Variants in ALK observed in about 807,000 individuals in gnomAD.
ALK encodes the protein ALK tyrosine kinase receptor.
Under a neutral mutation model 163.1 loss-of-function variants are expected in ALK, and 74 were observed. That is an observed-to-expected ratio of 0.45 (90% CI 0.38 to 0.55). The LOEUF (loss-of-function observed/expected upper bound fraction) is 0.55, where lower values mean the gene tolerates loss of function less well. Ranked by LOEUF, ALK falls within the 20% of genes least tolerant of loss-of-function variation. The probability of loss-of-function intolerance (pLI) is 0.00; values close to 1 mark genes in which losing one functional copy is unlikely to be tolerated. For synonymous variants in ALK, 960 were observed against 843.2 expected (o/e 1.14, Z -2.40); for missense variants, 2,063 against 2,105.3 (o/e 0.98, Z 0.39).
chr2:29,822,518 G>A (rs1165832756), intron 1 of ALK, among the ~76,000 whole-genome samples: 1 of 152,198 alleles, frequency 6.6e-6, no homozygotes, highest in Non-Finnish European at 1.5e-5. Flanking sequence ...CCTCATTTCA[G>A]CCAGCAGTGG....
At chr2:29,848,383 C>A (rs1021619440) in intron 1 of ALK, among the ~76,000 whole-genome samples, 1 of 150,826 alleles carries the variant, frequency 6.6e-6, no homozygotes, top group Non-Finnish European at 1.5e-5. Flanking sequence ...GTTTGAGAAC[C>A]ACTGAGCTAG....
intron 2 of ALK, among the ~76,000 whole-genome samples, chr2:29,714,528 C>A (rs867890416): frequency 6.6e-6 from 1 of 152,132 alleles, no homozygotes; most frequent in Non-Finnish European, 1.5e-5. Flanking sequence ...GCTCACCCAA[C>A]AGAGGCCTAG....
intron 1 of ALK, among the ~76,000 whole-genome samples, chr2:29,896,832 G>A (rs1361447124): frequency 1.3e-5 from 2 of 152,142 alleles, no homozygotes; most frequent in Non-Finnish European, 2.9e-5. Context: ...CTCAGCTTGG[G>A]TTTTTCATTA....
intron 3 of ALK, among the ~76,000 whole-genome samples, chr2:29,694,529 G>T (rs1558445865): frequency 6.6e-6 from 1 of 152,158 alleles, no homozygotes; most frequent in Admixed American, 6.5e-5. Context: ...ATTTAATGAG[G>T]TATCTTGTAT....
At chr2:29,462,643 C>A (rs990279663) in intron 4 of ALK, among the ~76,000 whole-genome samples, 6 of 152,122 alleles carry the variant, frequency 3.9e-5, no homozygotes, top group African/African-American at 1.2e-4. Context: ...ACTGGAAAAA[C>A]CAAACAATTT....
intron 23 of ALK, among the ~76,000 whole-genome samples, chr2:29,215,387 C>G (rs1376559830): frequency 6.6e-6 from 1 of 152,208 alleles, no homozygotes. Context: ...TCTTGCTTCT[C>G]TAGGCCGTGC....
chr2:29,684,676 C>T (rs1678185297), intron 3 of ALK, among the ~76,000 whole-genome samples: 1 of 152,190 alleles, frequency 6.6e-6, no homozygotes, highest in Non-Finnish European at 1.5e-5. Flanking sequence ...AGCGGACACC[C>T]CAGTATCACT....
intron 4 of ALK, among the ~76,000 whole-genome samples, chr2:29,476,478 T>G (rs1297972872): frequency 2.0e-5 from 3 of 151,700 alleles, no homozygotes; most frequent in Non-Finnish European, 4.4e-5. Flanking sequence ...ACACACAGAA[T>G]CCCACTCTCC....
At chr2:29,442,945 G>A (rs950264865) in intron 4 of ALK, among the ~76,000 whole-genome samples, 18 of 152,194 alleles carry the variant, frequency 1.2e-4, no homozygotes, top group African/African-American at 3.9e-4. Context: ...TCTACCACTG[G>A]GTAAGGTTAA....
chr2:29,780,715 G>A (rs986865878), intron 1 of ALK, among the ~76,000 whole-genome samples: 1 of 152,222 alleles, frequency 6.6e-6, no homozygotes, highest in Non-Finnish European at 1.5e-5. Context: ...CGGGGTAACA[G>A]ATGCCACAGC....
intron 1 of ALK, among the ~76,000 whole-genome samples, chr2:29,905,503 A>G (rs1667520206): frequency 6.6e-6 from 1 of 152,122 alleles, no homozygotes; most frequent in Non-Finnish European, 1.5e-5. Flanking sequence ...GTCAAGATTA[A>G]TACTATGAAA....
At position 29,395,215 on chromosome 2, in the gene ALK, AAGCCCAAAGGCTCCATTTC is replaced by A. The variant is rs923166122; in HGVS notation, c.1155-11375_1155-11357del. Among the ~76,000 whole-genome samples the A allele has an allele frequency of 2.6e-4, 39 of 152,334 alleles. No homozygotes were observed. The East Asian group carries it at 3.5e-3, about 14-fold the overall frequency. On this transcript the variant is annotated intron_variant, in intron 4 of 28. Transcript: ENST00000389048. ...TGAGCCAAGCAAAATGCTGACACCC[AAGCCCAAAGGCTCCATTTC>A]AGCCATAAATCTCTGGCCAAGTCAA...
At chr2:29,684,452 G>A (rs1035499544) in intron 3 of ALK, among the ~76,000 whole-genome samples, 1 of 152,144 alleles carries the variant, frequency 6.6e-6, no homozygotes, top group East Asian at 1.9e-4. Flanking sequence ...AGCTTAGCTG[G>A]TGGCAGTAAT....
intron 3 of ALK, among the ~76,000 whole-genome samples, chr2:29,609,439 T>C (rs555023402): frequency 3.2e-4 from 48 of 152,136 alleles, no homozygotes; most frequent in African/African-American, 8.9e-4. Flanking sequence ...AGAAGAGAAA[T>C]ATTAAGAGCT....
chr2:29,648,388 A>G (rs542545867), intron 3 of ALK, among the ~76,000 whole-genome samples: 1 of 152,294 alleles, frequency 6.6e-6, no homozygotes, highest in East Asian at 1.9e-4. Flanking sequence ...TTAAGTATAT[A>G]GTTTGGTGGT....
At chr2:29,308,019 G>A (rs1330241665) in intron 8 of ALK, among the ~76,000 whole-genome samples, 1 of 151,912 alleles carries the variant, frequency 6.6e-6, no homozygotes, top group East Asian at 1.9e-4. Context: ...TCTCTGGCTG[G>A]TGAGGTTATA....
intron 1 of ALK, among the ~76,000 whole-genome samples, chr2:29,734,325 G>T (rs1679831469): frequency 6.6e-6 from 1 of 152,122 alleles, no homozygotes; most frequent in South Asian, 2.1e-4. Flanking sequence ...CTAAAGAGAA[G>T]AGACTGTCTA....
At chr2:29,810,139 C>T (rs1664716500) in intron 1 of ALK, among the ~76,000 whole-genome samples, 2 of 152,068 alleles carry the variant, frequency 1.3e-5, no homozygotes, top group African/African-American at 4.8e-5. Context: ...GACAGAGAGT[C>T]AGCCGGACAT....
At chr2:29,530,176 C>T (rs1189288606) in intron 4 of ALK, among the ~76,000 whole-genome samples, 2 of 150,954 alleles carry the variant, frequency 1.3e-5, no homozygotes, top group African/African-American at 4.9e-5. Flanking sequence ...CCAGTTTGGA[C>T]CACATCACTT....
Sources: allele counts gnomAD v4.1 joint callset (sites outside exome capture counted in the v4.1 genomes callset), GRCh38; gene constraint gnomAD v4.1.1; transcripts MANE v1.5; gene names NCBI Gene and HGNC (gene_info 2026-07-23, HGNC 2026-07-21).